YEATS2: variants seen among roughly 807,000 people sequenced by gnomAD.
The protein encoded by YEATS2 is YEATS domain containing 2, also known as YEATS domain-containing protein 2.
Under a neutral mutation model 163.2 loss-of-function variants are expected in YEATS2, and 77 were observed. That is an observed-to-expected ratio of 0.47 (90% CI 0.39 to 0.57). The LOEUF (loss-of-function observed/expected upper bound fraction) is 0.57, where lower values mean the gene tolerates loss of function less well. Ranked by LOEUF, YEATS2 falls within the 20% of genes least tolerant of loss-of-function variation. The pLI, the probability that YEATS2 is intolerant of heterozygous loss-of-function variation, is 0.00. For missense variants in YEATS2, 1,549 were observed against 1,729.8 expected (o/e 0.90, Z 1.85); for synonymous variants, 631 against 645.1 (o/e 0.98, Z 0.33).
chr3:183,799,448 G>T (rs1476222128), intron 23 of YEATS2, among the ~76,000 whole-genome samples: 3 of 152,202 alleles, frequency 2.0e-5, no homozygotes, highest in African/African-American at 7.2e-5. Context: ...GGGTAGGCCA[G>T]ATTAAGGGCA....
rs759847517 is a variant in YEATS2 at position 183,775,998 on chromosome 3, G to C, written c.2452G>C (p.Gly818Arg). 5 of 1,609,506 alleles carry C rather than the reference G, an allele frequency of 3.1e-6. No individual in the cohort carries two copies. Among genetic ancestry groups the C allele is most frequent in the East Asian group, 2.2e-5 (1 of 44,784 alleles). The change falls in exon 18 of 31, where the codon GGT becomes CGT. Residue 818 changes from glycine to arginine, a missense_variant. Physicochemically the swap from Gly to Arg is moderately radical, Grantham distance 125. Coordinates refer to ENST00000305135, the MANE Select transcript of YEATS2 (RefSeq NM_018023.5). ...GGGGGGGSGS[G>R]GGGSTGGGGG... ...AGGAGGAGGAGGCGGCAGTGGCAGCGGTGGAGGCGGCAGCACAGGAGGAGG... is the reference window on the plus strand; with the variant it reads ...AGGAGGAGGAGGCGGCAGTGGCAGCCGTGGAGGCGGCAGCACAGGAGGAGG...
intron 19 of YEATS2, among the ~76,000 whole-genome samples, chr3:183,778,347 G>T (rs2108420045): frequency 6.6e-6 from 1 of 152,262 alleles, no homozygotes; most frequent in East Asian, 1.9e-4. Flanking sequence ...CACTATTTGT[G>T]AGAAAGAAAA....
intron 18 of YEATS2, among the ~76,000 whole-genome samples, chr3:183,777,055 C>G (rs966681429): frequency 1.3e-5 from 2 of 151,800 alleles, no homozygotes; most frequent in Admixed American, 1.3e-4. Context: ...AGGTAATAAA[C>G]AGTATTAATG....
chr3:183,809,671 A>T (rs1270385981), intron 30 of YEATS2, among the ~76,000 whole-genome samples: 1 of 152,150 alleles, frequency 6.6e-6, no homozygotes, highest in Non-Finnish European at 1.5e-5. Flanking sequence ...TGGGCTCGCC[A>T]CTGCTCTTTG....
chr3:183,778,469 C>A (rs1473260159), intron 19 of YEATS2, among the ~76,000 whole-genome samples: 1 of 152,168 alleles, frequency 6.6e-6, no homozygotes, highest in African/African-American at 2.4e-5. Flanking sequence ...GCTATAGTAT[C>A]CAGACAGTGA....
chr3:183,772,216 G>A (rs1722546192), intron 15 of YEATS2, 89 bp from the exon 16 acceptor site: 3 of 1,566,286 alleles, frequency 1.9e-6, no homozygotes, highest in Middle Eastern at 2.3e-4. Flanking sequence ...TGTATTATGT[G>A]CAGGCCTTTG....
chr3:183,810,622 A>G lies in YEATS2; in HGVS notation c.*39A>G, dbSNP rs2108550562. ...CCCTGGAGAAGCAGGCTTTGAAGGC[A>G]CAGCGAAGCTGTAACTGAGGACCCT... On this transcript the variant is annotated 3_prime_UTR_variant, in exon 31 of 31. Transcript: ENST00000305135. 6.3e-7 allele frequency: 1 copy of G among 1,583,522 alleles called. No individual in the cohort carries two copies. Among genetic ancestry groups the G allele is most frequent in the Non-Finnish European group, 8.7e-7 (1 of 1,153,956 alleles).
Position 183,773,705 on chromosome 3 carries a change from A to G in YEATS2, c.2279A>G (p.Tyr760Cys). The change falls in exon 17 of 31, where the codon TAC (tyrosine) becomes TGC (cysteine). Residue 760 changes from tyrosine to cysteine, a missense_variant. Coordinates refer to ENST00000305135, the MANE Select transcript of YEATS2 (RefSeq NM_018023.5). The stretch of plus-strand genomic sequence containing the variant: ...AATTTGCCTCCTGGCACTAAACTCT[A>G]CCTAACTACAAACAGCAAGAACCCT... ...LANLPPGTKL[Y>C]LTTNSKNPSG... is the part of the protein sequence containing the mutation. The G allele has an allele frequency of 1.2e-6, 2 of 1,613,650 alleles. No individual in the cohort carries two copies. Among genetic ancestry groups the G allele is most frequent in the Non-Finnish European group, 8.5e-7 (1 of 1,179,868 alleles).
intron 26 of YEATS2, chr3:183,803,548 A>G: frequency 1.7e-6 from 1 of 593,336 alleles, no homozygotes; most frequent in Non-Finnish European, 3.0e-6. Context: ...CAGTTTCTAA[A>G]TTTTTTTCTG....
chr3:183,793,424 T>A, intron 21 of YEATS2: 1 of 1,013,820 alleles, frequency 9.9e-7, no homozygotes, highest in African/African-American at 1.7e-5. Context: ...AACTGTTTTA[T>A]TTGAGGCCCT....
intron 1 of YEATS2, among the ~76,000 whole-genome samples, chr3:183,710,204 T>G (rs1715052803): frequency 6.6e-6 from 1 of 152,232 alleles, no homozygotes; most frequent in South Asian, 2.1e-4. Flanking sequence ...GCTGGACATT[T>G]TGTTTCCAAG....
intron 7 of YEATS2, among the ~76,000 whole-genome samples, chr3:183,731,729 A>G (rs980279048): frequency 6.6e-6 from 1 of 152,206 alleles, no homozygotes; most frequent in African/African-American, 2.4e-5. Flanking sequence ...TTTTCTGCTA[A>G]TAGTAAATGA....
intron 8 of YEATS2, 69 bp from the exon 9 acceptor site, chr3:183,747,603 A>G (rs1719682122): frequency 5.8e-6 from 8 of 1,368,078 alleles, no homozygotes; most frequent in Non-Finnish European, 7.2e-6. Flanking sequence ...GTAGATAAAG[A>G]TTGTATCCTA....
At chr3:183,774,764 C>T (rs1416839845) in intron 17 of YEATS2, among the ~76,000 whole-genome samples, 1 of 152,214 alleles carries the variant, frequency 6.6e-6, no homozygotes, top group African/African-American at 2.4e-5. Context: ...TGCCAAAATG[C>T]AGTGTGTCAG....
chr3:183,743,443 T>A (rs1251104506), intron 8 of YEATS2, among the ~76,000 whole-genome samples: 4 of 152,156 alleles, frequency 2.6e-5, no homozygotes, highest in African/African-American at 9.6e-5. Flanking sequence ...CCGGCTCAGG[T>A]GATCCTCTTA....
chr3:183,794,798 T>A (rs1412773481), intron 21 of YEATS2, among the ~76,000 whole-genome samples: 2 of 152,134 alleles, frequency 1.3e-5, no homozygotes, highest in African/African-American at 4.8e-5. Flanking sequence ...AAGGGGGCAC[T>A]TTTTAAGGCA....
At chr3:183,807,347 G>A (rs781034747) in intron 28 of YEATS2, 55 of 451,418 alleles carry the variant, frequency 1.2e-4, no homozygotes, top group Non-Finnish European at 2.0e-4. Flanking sequence ...CTTGTTGAAC[G>A]CAGACGTGAA....
In YEATS2 at chr3:183,755,156, C is replaced by T. The variant is rs77102520; in HGVS notation, c.1390+791C>T. On this transcript the variant is annotated intron_variant, in intron 11 of 30. Transcript: ENST00000305135. ...TTGAGATGGAGTTTCACTCTTGTCA[C>T]CTACGCTGGAGTGCAATGGCGCGAT... 0.013 allele frequency among the ~76,000 whole-genome samples: 1,969 copies of T among 151,876 alleles called. 66 individuals are homozygous for T. In the East Asian group the frequency reaches 0.14, roughly 11 times the overall value.
chr3:183,764,368 TAAAAAAAAAA>T (rs11452949), intron 15 of YEATS2, among the ~76,000 whole-genome samples: 5 of 105,236 alleles, frequency 4.8e-5, no homozygotes, highest in South Asian at 7.0e-4. Context: ...AAACTCTGTT[TAAAAAAAAAA>T]AAAAAAAAAA....
Sources: allele counts gnomAD v4.1 joint callset (sites outside exome capture counted in the v4.1 genomes callset), GRCh38; gene constraint gnomAD v4.1.1; transcripts MANE v1.5; gene names NCBI Gene and HGNC (gene_info 2026-07-23, HGNC 2026-07-21).